The following ADCY2 variants were observed in gnomAD, a reference collection of about 807,000 sequenced individuals.
ADCY2 encodes adenylate cyclase 2, also known as adenylate cyclase type 2.
A neutral mutation model predicts 125.2 loss-of-function variants in ADCY2; 31 were observed. That is an observed-to-expected ratio of 0.25 (90% CI 0.19 to 0.33). The LOEUF (loss-of-function observed/expected upper bound fraction) is 0.33, where lower values mean the gene tolerates loss of function less well. Ranked by LOEUF, ADCY2 falls within the 10% of genes least tolerant of loss-of-function variation. ADCY2 has a pLI of 1.00. For missense variants in ADCY2, 904 were observed against 1,418.2 expected (o/e 0.64, Z 5.82); for synonymous variants, 512 against 548.4 (o/e 0.93, Z 0.93).
At chr5:7,628,014 A>G (rs1207785364) in intron 4 of ADCY2, among the ~76,000 whole-genome samples, 1 of 152,256 alleles carries the variant, frequency 6.6e-6, no homozygotes, top group Non-Finnish European at 1.5e-5. Context: ...TTCAAAATTA[A>G]GAGACATAGA....
intron 3 of ADCY2, among the ~76,000 whole-genome samples, chr5:7,555,398 T>C (rs1462350028): frequency 6.6e-6 from 1 of 152,242 alleles, no homozygotes; most frequent in Non-Finnish European, 1.5e-5. Context: ...GTTTGTGTTT[T>C]CGGGTAGGAA....
intron 1 of ADCY2, among the ~76,000 whole-genome samples, chr5:7,398,406 C>T (rs1025802620): frequency 6.6e-6 from 1 of 152,158 alleles, no homozygotes; most frequent in African/African-American, 2.4e-5. Flanking sequence ...TATTCAATTC[C>T]TTTATGTTCC....
At chr5:7,597,610 A>G (rs1485745950) in intron 3 of ADCY2, among the ~76,000 whole-genome samples, 1 of 152,178 alleles carries the variant, frequency 6.6e-6, no homozygotes, top group Non-Finnish European at 1.5e-5. Context: ...ACCCATCTGT[A>G]TAAAAAAACT....
At chr5:7,595,778 C>T (rs1475242331) in intron 3 of ADCY2, among the ~76,000 whole-genome samples, 1 of 152,106 alleles carries the variant, frequency 6.6e-6, no homozygotes, top group Non-Finnish European at 1.5e-5. Context: ...TACATTAAAT[C>T]ACCTCTAGGC....
At chr5:7,460,012 T>C (rs1017554669) in intron 2 of ADCY2, among the ~76,000 whole-genome samples, 3 of 151,824 alleles carry the variant, frequency 2.0e-5, no homozygotes, top group African/African-American at 7.3e-5. Flanking sequence ...GGTCTGAATC[T>C]CCTGACCTCG....
chr5:7,782,229 A>G (rs1743943325), intron 18 of ADCY2: 1 of 167,056 alleles, frequency 6.0e-6, no homozygotes, highest in Admixed American at 6.5e-5. Flanking sequence ...CCCTCCACCC[A>G]CCACTATTCC....
intron 3 of ADCY2, among the ~76,000 whole-genome samples, chr5:7,621,432 C>T (rs1042295125): frequency 6.6e-6 from 1 of 152,176 alleles, no homozygotes; most frequent in Non-Finnish European, 1.5e-5. Context: ...ACACCTTCCC[C>T]ATCCCCTAGA....
intron 2 of ADCY2, among the ~76,000 whole-genome samples, chr5:7,484,581 T>C (rs1561051212): frequency 6.6e-6 from 1 of 152,200 alleles, no homozygotes; most frequent in Non-Finnish European, 1.5e-5. Context: ...TGACTTTGTT[T>C]TTTATCCTAT....
intron 3 of ADCY2, among the ~76,000 whole-genome samples, chr5:7,552,432 A>T (rs1268364205): frequency 6.6e-6 from 1 of 152,150 alleles, no homozygotes; most frequent in Non-Finnish European, 1.5e-5. Context: ...CTTTATTGCA[A>T]ATCTTTTTTC....
At chr5:7,759,951 C>T (rs1560957709) in intron 16 of ADCY2, among the ~76,000 whole-genome samples, 1 of 152,056 alleles carries the variant, frequency 6.6e-6, no homozygotes, top group Non-Finnish European at 1.5e-5. Context: ...GCTATGGTCC[C>T]AGAGCTTTCT....
At chr5:7,459,772 A>ATTTTTTTTTTTTTTTTTTTTTT (rs3033085) in intron 2 of ADCY2, among the ~76,000 whole-genome samples, 4 of 72,818 alleles carry the variant, frequency 5.5e-5, no homozygotes, top group African/African-American at 1.8e-4. Flanking sequence ...TTAAGAGGTA[A>ATTTTTTTTTTTTTTTTTTTTTT]TTTTTTTTTT....
At chr5:7,490,988 T>G (rs575651165) in intron 2 of ADCY2, among the ~76,000 whole-genome samples, 31 of 152,158 alleles carry the variant, frequency 2.0e-4, no homozygotes, top group Non-Finnish European at 4.1e-4. Flanking sequence ...GCTATTGCAT[T>G]AAAAAATAAC....
chr5:7,608,843 T>C (rs945135601), intron 3 of ADCY2, among the ~76,000 whole-genome samples: 6 of 152,160 alleles, frequency 3.9e-5, no homozygotes, highest in Admixed American at 1.3e-4. Context: ...AAAGTATGCA[T>C]TTCTGCTAGA....
intron 4 of ADCY2, among the ~76,000 whole-genome samples, chr5:7,673,287 A>ATATATATATAT (rs58507866): frequency 0.063 from 1,961 of 31,118 alleles, 229 homozygotes; most frequent in South Asian, 0.099. Flanking sequence ...TATATATATA[A>ATATATATATAT]AATTAGCCAG....
intron 23 of ADCY2, among the ~76,000 whole-genome samples, chr5:7,819,059 G>A (rs112448697): frequency 2.0e-5 from 3 of 152,282 alleles, no homozygotes; most frequent in African/African-American, 7.2e-5. Flanking sequence ...TGGAGGGCAG[G>A]AAGCATCCAG....
chr5:7,665,058 G>A (rs1169509825), intron 4 of ADCY2, among the ~76,000 whole-genome samples: 1 of 151,560 alleles, frequency 6.6e-6, no homozygotes, highest in Non-Finnish European at 1.5e-5. Flanking sequence ...TTTGATTGAT[G>A]TCTCATGCCT....
chr5:7,662,795 AG>A (rs1362494698), intron 4 of ADCY2, among the ~76,000 whole-genome samples: 1 of 152,178 alleles, frequency 6.6e-6, no homozygotes, highest in Non-Finnish European at 1.5e-5. Context: ...TTTTCATGAA[AG>A]GGCTTTACAG....
chr5:7,577,788 TTTG>T (rs1736295930), intron 3 of ADCY2, among the ~76,000 whole-genome samples: 1 of 152,106 alleles, frequency 6.6e-6, no homozygotes, highest in African/African-American at 2.4e-5. Context: ...AAATTTTGAG[TTTG>T]TTACTTGACT....
At chr5:7,631,877 C>T (rs1738321749) in intron 4 of ADCY2, among the ~76,000 whole-genome samples, 1 of 152,128 alleles carries the variant, frequency 6.6e-6, no homozygotes, top group African/African-American at 2.4e-5. Context: ...CAGTCTTTTA[C>T]CAACCCCATC....
Sources: gnomAD v4.1 joint callset for allele counts (sites outside exome capture counted in the v4.1 genomes callset) on GRCh38, gnomAD v4.1.1 for gene constraint, MANE v1.5 for transcripts, NCBI Gene and HGNC (gene_info 2026-07-23, HGNC 2026-07-21) for gene names.